EYS: variants seen among roughly 807,000 people sequenced by gnomAD.
EYS encodes protein eyes shut homolog.
A neutral mutation model predicts 282.1 loss-of-function variants in EYS; 250 were observed. The ratio of observed to expected loss-of-function variants is 0.89; its 90% confidence interval spans 0.80 to 0.98. The LOEUF is 0.98. Ranked by LOEUF, EYS falls within the 50% of genes least tolerant of loss-of-function variation. The probability of loss-of-function intolerance (pLI) is 0.00; values close to 1 mark genes in which losing one functional copy is unlikely to be tolerated. For synonymous variants in EYS, 1,355 were observed against 1,282.9 expected (o/e 1.06, Z -1.20); for missense variants, 4,016 against 3,709.0 (o/e 1.08, Z -2.15).
intron 22 of EYS, among the ~76,000 whole-genome samples, chr6:64,753,335 CA>C (rs1772825706): frequency 6.6e-6 from 1 of 151,712 alleles, no homozygotes; most frequent in Non-Finnish European, 1.5e-5. Context: ...ACCCAAAAAA[CA>C]AAAACAGGGT....
intron 22 of EYS, among the ~76,000 whole-genome samples, chr6:64,718,881 T>C (rs1051214214): frequency 1.8e-4 from 28 of 152,236 alleles, no homozygotes; most frequent in African/African-American, 6.3e-4. Context: ...CTGGAACTTG[T>C]GAATATTTTG....
chr6:64,130,628 A>T lies in EYS; in HGVS notation c.6425-48626T>A, dbSNP rs535510535. Among the ~76,000 whole-genome samples the T allele has an allele frequency of 2.0e-4, 25 of 127,578 alleles. No homozygotes were observed. The South Asian group carries it at 3.4e-3, about 17-fold the overall frequency. 83.7% of individuals were successfully genotyped at this position (127,578 alleles called of 152,430 possible). ...GTACCCTAAAACTTAAAGTATAATT[A>T]AAAAAAAAAAGTTTTCAGATCCCTA... is the stretch of plus-strand genomic sequence containing the variant. On this transcript the variant is annotated intron_variant, in intron 31 of 42. Coordinates refer to ENST00000503581, the MANE Select transcript of EYS (RefSeq NM_001142800.2).
Position 63,720,604 on chromosome 6 carries a change from C to T in EYS, c.9427G>A (p.Val3143Ile), listed in dbSNP as rs1038659994. ...NVYDGDEQNEVT is the reference protein window; with the variant it reads ...NVYDGDEQNEIT ...AAATCTCTAGTGTTAACTTATGTAACCTCATTTTGTTCATCTCCATCATAA... is the reference window on the plus strand; with the variant it reads ...AAATCTCTAGTGTTAACTTATGTAATCTCATTTTGTTCATCTCCATCATAA... The change falls in exon 43 of 43, where the codon GTT (valine) becomes ATT (isoleucine). Residue 3143 changes from valine to isoleucine, a missense_variant. Val to Ile is a conservative substitution (Grantham distance 29). Transcript: ENST00000503581. 24 of 1,476,572 alleles carry T rather than the reference C, an allele frequency of 1.6e-5. No homozygotes were observed. The highest frequency in any genetic ancestry group is 2.2e-5 in the Non-Finnish European group (24 of 1,109,874). 91.5% of individuals were successfully genotyped at this position (1,476,572 alleles called of 1,614,324 possible).
intron 10 of EYS, among the ~76,000 whole-genome samples, chr6:65,342,782 C>T (rs9360124): frequency 0.2 from 30,129 of 150,112 alleles, 3,805 homozygotes; most frequent in Non-Finnish European, 0.27. Context: ...GCTATATTTG[C>T]GTATTTTCTT....
Position 64,743,208 on chromosome 6 carries a change from C to T in EYS, c.3443+70170G>A, listed in dbSNP as rs917896578. 2.0e-5 allele frequency among the ~76,000 whole-genome samples: 3 copies of T among 152,044 alleles called. No individual in the cohort carries two copies. In the South Asian group the frequency reaches 6.2e-4, roughly 31 times the overall value. ...TATAAAATTACATTTTAAAGATTTA[C>T]TTATTTTATAGAAATAAGTCTATAA... On this transcript the variant is annotated intron_variant, in intron 22 of 42. Transcript: ENST00000503581.
intron 26 of EYS, among the ~76,000 whole-genome samples, chr6:64,463,023 T>G (rs1462231486): frequency 3.4e-5 from 5 of 147,806 alleles, no homozygotes; most frequent in Non-Finnish European, 7.4e-5. Flanking sequence ...TCGGGCTCAC[T>G]GCAAGCTTCG....
At chr6:65,671,747 A>G (rs796073511) in intron 1 of EYS, among the ~76,000 whole-genome samples, 1 of 152,254 alleles carries the variant, frequency 6.6e-6, no homozygotes, top group East Asian at 1.9e-4. Context: ...TGTGGCACCC[A>G]CTTGCCAAAG....
chr6:65,019,192 A>G (rs1209101031), intron 13 of EYS, among the ~76,000 whole-genome samples: 1 of 152,200 alleles, frequency 6.6e-6, no homozygotes, highest in Non-Finnish European at 1.5e-5. Context: ...TTATATTAAA[A>G]TTTTTGTGAA....
intron 30 of EYS, among the ~76,000 whole-genome samples, chr6:64,273,115 T>C (rs1767995638): frequency 6.6e-6 from 1 of 152,148 alleles, no homozygotes; most frequent in Non-Finnish European, 1.5e-5. Context: ...CCATGATGAA[T>C]GGAAGTGGTA....
chr6:63,981,481 T>C (rs1767089375), intron 35 of EYS, among the ~76,000 whole-genome samples: 1 of 151,866 alleles, frequency 6.6e-6, no homozygotes, highest in Non-Finnish European at 1.5e-5. Flanking sequence ...GAGCAGCATG[T>C]CCTGTATGCA....
intron 18 of EYS, among the ~76,000 whole-genome samples, chr6:64,887,841 C>G (rs1269902329): frequency 3.3e-5 from 5 of 151,952 alleles, no homozygotes; most frequent in Non-Finnish European, 5.9e-5. Context: ...TGAGACAGGT[C>G]CTGTTAAAGC....
At chr6:65,115,809 G>T (rs1300854570) in intron 12 of EYS, among the ~76,000 whole-genome samples, 10 of 152,058 alleles carry the variant, frequency 6.6e-5, no homozygotes, top group Admixed American at 6.6e-4. Context: ...AAATTAAGAT[G>T]TACAGAGTTT....
chr6:65,045,239 C>T (rs1180234918), intron 13 of EYS, among the ~76,000 whole-genome samples: 5 of 151,928 alleles, frequency 3.3e-5, no homozygotes, highest in Non-Finnish European at 7.4e-5. Flanking sequence ...ACACTCTGAT[C>T]TTTGACAAAA....
At chr6:65,627,374 C>T (rs1047860633) in intron 2 of EYS, among the ~76,000 whole-genome samples, 5 of 152,144 alleles carry the variant, frequency 3.3e-5, no homozygotes, top group Admixed American at 1.3e-4. Context: ...TGGCAGTCCT[C>T]ACATCCCTCG....
chr6:65,414,295 G>C (rs969402850), intron 5 of EYS, among the ~76,000 whole-genome samples: 17 of 152,098 alleles, frequency 1.1e-4, no homozygotes, highest in Admixed American at 7.9e-4. Context: ...ACTGCTTTTA[G>C]ATTCTATGGA....
At chr6:65,271,948 G>T (rs7764465) in intron 12 of EYS, among the ~76,000 whole-genome samples, 148,246 of 152,216 alleles carry the variant, frequency 0.97, 72,303 homozygotes, top group East Asian at 1. Flanking sequence ...AGTTGAAGGA[G>T]AAAATCCTGA....
At chr6:65,117,626 T>C (rs560745615) in intron 12 of EYS, among the ~76,000 whole-genome samples, 2 of 152,210 alleles carry the variant, frequency 1.3e-5, no homozygotes, top group African/African-American at 4.8e-5. Context: ...AGGACCAAAA[T>C]ACCATCCATT....
intron 14 of EYS, among the ~76,000 whole-genome samples, chr6:64,955,898 C>T (rs990865997): frequency 4.6e-5 from 7 of 152,106 alleles, no homozygotes; most frequent in African/African-American, 1.7e-4. Flanking sequence ...TTTTCTATTG[C>T]TTTACAAATT....
chr6:65,383,177 T>A (rs1765680819), intron 8 of EYS, among the ~76,000 whole-genome samples: 1 of 152,034 alleles, frequency 6.6e-6, no homozygotes, highest in Admixed American at 6.6e-5. Context: ...CATAAAATAT[T>A]AATTTTTCTA....
Sources: gnomAD v4.1 joint callset for allele counts (sites outside exome capture counted in the v4.1 genomes callset) on GRCh38, gnomAD v4.1.1 for gene constraint, MANE v1.5 for transcripts, NCBI Gene and HGNC (gene_info 2026-07-23, HGNC 2026-07-21) for gene names.